The following HHIPL2 variants were observed in gnomAD, a reference collection of about 807,000 sequenced individuals.
The protein encoded by HHIPL2 is HHIP like 2.
A neutral mutation model predicts 61.0 loss-of-function variants in HHIPL2; 61 were observed. That is an observed-to-expected ratio of 1.00 (90% CI 0.81 to 1.24). The LOEUF is 1.24. Among genes scored for constraint, HHIPL2 ranks in the 50% most tolerant of loss-of-function variants. The probability of loss-of-function intolerance (pLI) is 0.00; values close to 1 mark genes in which losing one functional copy is unlikely to be tolerated. For missense variants in HHIPL2, 885 were observed against 910.2 expected (o/e 0.97, Z 0.36); for synonymous variants, 343 against 357.4 (o/e 0.96, Z 0.45).
chr1:222,537,399 T>G (rs886658224), intron 5 of HHIPL2, among the ~76,000 whole-genome samples: 6 of 150,496 alleles, frequency 4.0e-5, no homozygotes, highest in African/African-American at 1.5e-4. Flanking sequence ...AACACTGCAC[T>G]GAGATTAACG....
intron 6 of HHIPL2, among the ~76,000 whole-genome samples, chr1:222,527,818 T>C (rs1659101744): frequency 6.6e-6 from 1 of 152,160 alleles, no homozygotes; most frequent in Admixed American, 6.6e-5. Context: ...TAAGAGGAAA[T>C]CCCTTTTTCT....
At position 222,531,475 on chromosome 1, in the gene HHIPL2, C is replaced by T. The variant is rs1386596527; in HGVS notation, c.1723+491G>A. 4.6e-5 allele frequency among the ~76,000 whole-genome samples: 7 copies of T among 152,300 alleles called. 1 individual carries two copies. In the East Asian group the frequency reaches 7.7e-4, roughly 17 times the overall value. Reference sequence around the variant, plus strand: ...TATAATTACATCATGGAGCCGGGCGCGGTGGCTCACGCCTGTAATCTCAGC... The same window carrying T: ...TATAATTACATCATGGAGCCGGGCGTGGTGGCTCACGCCTGTAATCTCAGC... On this transcript the variant is annotated intron_variant, in intron 6 of 8. Coordinates refer to ENST00000343410, the MANE Select transcript of HHIPL2 (RefSeq NM_024746.4).
intron 1 of HHIPL2, among the ~76,000 whole-genome samples, chr1:222,545,332 G>A (rs36113683): frequency 0.35 from 52,971 of 152,034 alleles, 10,296 homozygotes; most frequent in South Asian, 0.55. Flanking sequence ...CATTTTTCAT[G>A]TATATGTGAG....
At chr1:222,529,980 T>C (rs1461639705) in intron 6 of HHIPL2, among the ~76,000 whole-genome samples, 1 of 151,740 alleles carries the variant, frequency 6.6e-6, no homozygotes, top group Non-Finnish European at 1.5e-5. Flanking sequence ...GGGCAGAAAA[T>C]ATGAATCAGT....
Position 222,532,096 on chromosome 1 carries a change from C to T in HHIPL2, c.1593G>A (p.Leu531=), listed in dbSNP as rs780186309. The stretch of plus-strand genomic sequence containing the variant: ...ATTTCTTGTTTTTTCTATCTTCCTG[C>T]AAAGCCATAAGTCGACTAGACAAAA... ...GDFMSGRLMA[L]QEDRKNKKWK... Residue 531 remains leucine (L), a synonymous_variant, in exon 6 of 9, where the codon TTG becomes TTA. Coordinates refer to ENST00000343410, the MANE Select transcript of HHIPL2 (RefSeq NM_024746.4). The T allele has an allele frequency of 6.2e-7, 1 of 1,613,572 alleles. No individual in the cohort carries two copies. Among genetic ancestry groups the T allele is most frequent in the South Asian group, 1.1e-5 (1 of 91,040 alleles).
At chr1:222,547,340 G>A (rs943772316) in intron 1 of HHIPL2, among the ~76,000 whole-genome samples, 2 of 152,160 alleles carry the variant, frequency 1.3e-5, no homozygotes, top group African/African-American at 2.4e-5. Context: ...CCCTTAACGC[G>A]CTCGGTAAAT....
At chr1:222,528,644 T>A (rs1205774397) in intron 6 of HHIPL2, among the ~76,000 whole-genome samples, 5 of 152,176 alleles carry the variant, frequency 3.3e-5, no homozygotes, top group African/African-American at 1.2e-4. Context: ...TAATCGTAGT[T>A]ATTTTTACTT....
At chr1:222,535,176 G>A (rs955483561) in intron 5 of HHIPL2, among the ~76,000 whole-genome samples, 1 of 152,084 alleles carries the variant, frequency 6.6e-6, no homozygotes, top group African/African-American at 2.4e-5. Flanking sequence ...TAGTGGCGCA[G>A]CCTCTAAAGA....
rs756747963 is a variant in HHIPL2 at position 222,548,034 on chromosome 1, G to A, written c.11C>T (p.Thr4Met). ...ACCACCACACAGATTAGGAGTGGAC[G>A]TTCTCAGCATTTTGGCCTTGGGAAC... MLR[T>M]STPNLCGGLH... The change falls in exon 1 of 9, where the codon ACG becomes ATG. Residue 4 changes from threonine (T) to methionine (M), a missense_variant. Physicochemically the swap from Thr to Met is moderately conservative, Grantham distance 81. Transcript: ENST00000343410. 26 of 1,553,924 alleles carry A rather than the reference G, an allele frequency of 1.7e-5. No individual in the cohort carries two copies. The highest frequency in any genetic ancestry group is 1.7e-4 in the Middle Eastern group (1 of 5,754).
intron 1 of HHIPL2, among the ~76,000 whole-genome samples, chr1:222,546,625 C>T (rs1659561390): frequency 6.6e-6 from 1 of 152,206 alleles, no homozygotes; most frequent in Non-Finnish European, 1.5e-5. Flanking sequence ...CTTGTAAAAG[C>T]TCAGCTTCTA....
chr1:222,544,094 G>GT lies in HHIPL2; in HGVS notation c.416_417insA (p.Phe140LeufsTer4). ...TGGCTGAGTGACAGTTAGAATGGAA[G>GT]GCAGAGCAGTAATCAGAGCAGAGGC... On this transcript the variant is annotated frameshift_variant, in exon 2 of 9. Coordinates refer to ENST00000343410, the MANE Select transcript of HHIPL2 (RefSeq NM_024746.4). LOFTEE classifies it high-confidence loss of function. 1.2e-6 allele frequency: 2 copies of GT among 1,614,184 alleles called. No homozygotes were observed. Among genetic ancestry groups the GT allele is most frequent in the South Asian group, 2.2e-5 (2 of 91,086 alleles).
At chr1:222,539,245 TCCTGGGC>T (rs889165551) in intron 4 of HHIPL2, among the ~76,000 whole-genome samples, 20 of 152,212 alleles carry the variant, frequency 1.3e-4, no homozygotes, top group Non-Finnish European at 2.8e-4. Flanking sequence ...TTAGAAAGTG[TCCTGGGC>T]CGGGCACGGT....
At chr1:222,532,343 G>C (rs189860851) in intron 5 of HHIPL2, among the ~76,000 whole-genome samples, 1 of 152,328 alleles carries the variant, frequency 6.6e-6, no homozygotes, top group Admixed American at 6.5e-5. Flanking sequence ...ACGAGGCCCA[G>C]TGGCTCACAC....
intron 5 of HHIPL2, 37 bp from the exon 6 acceptor site, chr1:222,532,148 T>C (rs1427412711): frequency 6.3e-7 from 1 of 1,580,964 alleles, no homozygotes; most frequent in Non-Finnish European, 8.6e-7. Flanking sequence ...TAGGAATCCA[T>C]ATATCCACTC....
rs1659001457 is a variant in HHIPL2 at position 222,523,647 on chromosome 1, G to A, written c.1853C>T (p.Thr618Ile). 1 of 1,614,146 alleles carries A rather than the reference G, an allele frequency of 6.2e-7. No homozygotes were observed. Among genetic ancestry groups the A allele is most frequent in the Non-Finnish European group, 8.5e-7 (1 of 1,180,020 alleles). ...TCTGAACGGGATCCGCTTACTCTTG[G>A]TTCTCACGGGCACTGGCTTGTATTT... ...KCKYKPVPVR[T>I]KSKRIPFRPL... Residue 618 changes from threonine to isoleucine, a missense_variant, in exon 8 of 9, where the codon ACC (threonine) becomes ATC (isoleucine). Physicochemically the swap from Thr to Ile is moderately conservative, Grantham distance 89. Coordinates refer to ENST00000343410, the MANE Select transcript of HHIPL2 (RefSeq NM_024746.4).
chr1:222,546,828 AG>A (rs1659564970), intron 1 of HHIPL2, among the ~76,000 whole-genome samples: 1 of 152,216 alleles, frequency 6.6e-6, no homozygotes, highest in South Asian at 2.1e-4. Flanking sequence ...CTGCAGGCTC[AG>A]GAACAGTGGC....
Position 222,547,931 on chromosome 1 carries a change from C to T in HHIPL2, c.114G>A (p.Leu38=), listed in dbSNP as rs1301664023. The T allele has an allele frequency of 1.9e-6, 3 of 1,612,962 alleles. No homozygotes were observed. Among genetic ancestry groups the T allele is most frequent in the Middle Eastern group, 1.6e-4 (1 of 6,084 alleles). ...CLIFLLGQVG[L]LQGHPQCLDY... ...CCAGGCACTGGGGGTGTCCCTGCAGCAAGCCCACCTGGCCCAACAAGAATA... is the reference window on the plus strand; with the variant it reads ...CCAGGCACTGGGGGTGTCCCTGCAGTAAGCCCACCTGGCCCAACAAGAATA... The change falls in exon 1 of 9, where the codon TTG becomes TTA. Residue 38 remains leucine, a synonymous_variant. Coordinates refer to ENST00000343410, the MANE Select transcript of HHIPL2 (RefSeq NM_024746.4).
chr1:222,531,683 G>C (rs1341646923), intron 6 of HHIPL2, among the ~76,000 whole-genome samples: 1 of 152,114 alleles, frequency 6.6e-6, no homozygotes, highest in Non-Finnish European at 1.5e-5. Flanking sequence ...TGGAAGCGGA[G>C]GTTGCAGTAA....
At chr1:222,535,752 A>G (rs1659287606) in intron 5 of HHIPL2, among the ~76,000 whole-genome samples, 2 of 152,166 alleles carry the variant, frequency 1.3e-5, no homozygotes, top group African/African-American at 4.8e-5. Flanking sequence ...GATTTCATTT[A>G]GGACCCACCC....
Sources: gnomAD v4.1 joint callset for allele counts (sites outside exome capture counted in the v4.1 genomes callset) on GRCh38, gnomAD v4.1.1 for gene constraint, MANE v1.5 for transcripts, NCBI Gene and HGNC (gene_info 2026-07-23, HGNC 2026-07-21) for gene names.